ACOT12: variants seen among roughly 807,000 people sequenced by gnomAD.
ACOT12 encodes the protein acetyl-coenzyme A thioesterase.
A neutral mutation model predicts 67.7 loss-of-function variants in ACOT12; 51 were observed. The ratio of observed to expected loss-of-function variants is 0.75; its 90% CI spans 0.60 to 0.95. The LOEUF (loss-of-function observed/expected upper bound fraction) is 0.95. Ranked by LOEUF, ACOT12 falls within the 40% of genes least tolerant of loss-of-function variation. The pLI, the probability that ACOT12 is intolerant of heterozygous loss-of-function variation, is 0.00. For synonymous variants in ACOT12, 251 were observed against 244.6 expected (o/e 1.03, Z -0.24); for missense variants, 734 against 708.1 (o/e 1.04, Z -0.41).
intron 11 of ACOT12, among the ~76,000 whole-genome samples, chr5:81,338,413 G>A (rs1180665784): frequency 6.6e-6 from 1 of 152,090 alleles, no homozygotes; most frequent in African/African-American, 2.4e-5. Flanking sequence ...CTGGTTGTTT[G>A]AAAGTGTGTG....
At chr5:81,353,548 T>A (rs1759618470) in intron 5 of ACOT12, among the ~76,000 whole-genome samples, 1 of 152,210 alleles carries the variant, frequency 6.6e-6, no homozygotes, top group East Asian at 1.9e-4. Context: ...TCCAGAAAAT[T>A]AACCATGATA....
intron 2 of ACOT12, among the ~76,000 whole-genome samples, chr5:81,379,471 A>G (rs1760516199): frequency 6.6e-6 from 1 of 152,078 alleles, no homozygotes; most frequent in East Asian, 1.9e-4. Flanking sequence ...CCAGAACTTA[A>G]AGTACAATAA....
the ACOT12 span, among the ~76,000 whole-genome samples, chr5:81,313,642 G>C: frequency 6.6e-6 from 1 of 152,106 alleles, no homozygotes; most frequent in Non-Finnish European, 1.5e-5. Flanking sequence ...TGACTCTAGT[G>C]GTTTTGTGTT....
At chr5:81,362,220 C>T (rs1031758400) in intron 4 of ACOT12, among the ~76,000 whole-genome samples, 2 of 145,836 alleles carry the variant, frequency 1.4e-5, no homozygotes, top group Non-Finnish European at 3.0e-5. Context: ...GGCTGGAGTG[C>T]AATGGCACAA....
At chr5:81,327,036 A>G (rs974884447), downstream of ACOT12, among the ~76,000 whole-genome samples, 1 of 152,154 alleles carries the variant, frequency 6.6e-6, no homozygotes, top group East Asian at 1.9e-4. Context: ...TTAATCCCAA[A>G]TATGATAGTA....
At chr5:81,344,792 G>C in intron 8 of ACOT12, 99 bp downstream of exon 8, 5 of 1,450,844 alleles carry the variant, frequency 3.4e-6, no homozygotes, top group East Asian at 4.6e-5. Flanking sequence ...GAAAACCAAA[G>C]GGAAAGAGCC....
At chr5:81,346,519 T>C (rs1481556008) in intron 6 of ACOT12, among the ~76,000 whole-genome samples, 1 of 152,230 alleles carries the variant, frequency 6.6e-6, no homozygotes, top group Non-Finnish European at 1.5e-5. Context: ...AGATACACAT[T>C]TTATAATTTT....
chr5:81,367,689 C>T (rs1267338945), intron 3 of ACOT12, among the ~76,000 whole-genome samples: 3 of 152,062 alleles, frequency 2.0e-5, no homozygotes, highest in Admixed American at 1.3e-4. Flanking sequence ...AAATAGAAGA[C>T]AAACAGCCAG....
In ACOT12 at chr5:81,342,721, T is replaced by G. The variant is rs759543309; in HGVS notation, c.1079A>C (p.Lys360Thr). Reference protein sequence around the residue: ...SLSDSNVEALKKLAAKRGWEV... With the variant: ...SLSDSNVEALTKLAAKRGWEV... ...CCAACCCCTTTTGGCTGCCAGTTTT[T>G]TGAGGGCCTCCACATTGCTGTCACT... The change falls in exon 11 of 15, where the codon AAA becomes ACA. Residue 360 changes from lysine (K) to threonine (T), a missense_variant. Physicochemically the swap from Lys to Thr is moderately conservative, Grantham distance 78 (BLOSUM62 -1). Transcript: ENST00000307624. 2 of 1,614,208 alleles carry G rather than the reference T, an allele frequency of 1.2e-6. No homozygotes were observed. The highest frequency in any genetic ancestry group is 1.7e-6 in the Non-Finnish European group (2 of 1,180,024).
chr5:81,316,785 A>G, the ACOT12 span, among the ~76,000 whole-genome samples: 5 of 152,030 alleles, frequency 3.3e-5, no homozygotes, highest in Admixed American at 2.6e-4. Context: ...TGTGGTTTTG[A>G]TTTGCATCCC....
At chr5:81,311,975 G>A in the ACOT12 span, among the ~76,000 whole-genome samples, 1 of 152,100 alleles carries the variant, frequency 6.6e-6, no homozygotes, top group African/African-American at 2.4e-5. Context: ...ACAACACTAC[G>A]CAAATAAGTC....
At position 81,359,976 on chromosome 5, in the gene ACOT12, A is replaced by G. The variant is rs773094634; in HGVS notation, c.423T>C (p.Ala141=). Residue 141 remains alanine, a synonymous_variant, in exon 5 of 15, where the codon GCT becomes GCC. Coordinates refer to ENST00000307624, the MANE Select transcript of ACOT12 (RefSeq NM_130767.3). ...GTTGTAATCGAACTTTCCTTCTCTC[A>G]GCAGCCAGATTATGTTCCACATGAT... ...EQDHVEHNLA[A]ERRKVRLQHE... 6.2e-7 allele frequency: 1 copy of G among 1,612,926 alleles called. No individual in the cohort carries two copies. Among genetic ancestry groups the G allele is most frequent in the South Asian group, 1.1e-5 (1 of 90,734 alleles).
At chr5:81,368,018 A>T (rs1230042553) in intron 3 of ACOT12, among the ~76,000 whole-genome samples, 1 of 152,170 alleles carries the variant, frequency 6.6e-6, no homozygotes, top group African/African-American at 2.4e-5. Context: ...CTGGCAGGGC[A>T]CGGTGGCTCA....
the ACOT12 span, among the ~76,000 whole-genome samples, chr5:81,309,455 A>AT: frequency 6.6e-6 from 1 of 152,112 alleles, no homozygotes; most frequent in African/African-American, 2.4e-5. Context: ...TTGCTTCTGA[A>AT]TTTTTTTTCT....
intron 11 of ACOT12, among the ~76,000 whole-genome samples, chr5:81,342,027 A>G (rs771024971): frequency 2.0e-5 from 3 of 152,172 alleles, no homozygotes; most frequent in East Asian, 1.9e-4. Context: ...GTCTTGCTCT[A>G]TTGCCCAGAC....
intron 5 of ACOT12, among the ~76,000 whole-genome samples, chr5:81,358,606 T>C (rs957218023): frequency 3.3e-5 from 5 of 152,312 alleles, no homozygotes; most frequent in African/African-American, 9.6e-5. Flanking sequence ...TCCCAGCACT[T>C]TGGGAGGCCG....
chr5:81,324,185 C>T, the ACOT12 span, among the ~76,000 whole-genome samples: 1 of 152,106 alleles, frequency 6.6e-6, no homozygotes, highest in African/African-American at 2.4e-5. Flanking sequence ...AGTTAATCTG[C>T]CTGCCTTGGC....
chr5:81,345,153 G>T lies in ACOT12; in HGVS notation c.774-112C>A, dbSNP rs73134865. 1.7e-3 allele frequency: 2,272 copies of T among 1,339,394 alleles called. 24 individuals are homozygous for T. In the African/African-American group the frequency reaches 0.029, roughly 17 times the overall value. 83.0% of individuals were successfully genotyped at this position (1,339,394 alleles called of 1,614,324 possible). On this transcript the variant is annotated intron_variant, in intron 7 of 14. Transcript: ENST00000307624. ...CGCTGCCACCTCCTCTAAGCAACAGGAGGATAAGGGCCTGGGTTTTCTTGT... is the reference window on the plus strand; with the variant it reads ...CGCTGCCACCTCCTCTAAGCAACAGTAGGATAAGGGCCTGGGTTTTCTTGT...
intron 2 of ACOT12, among the ~76,000 whole-genome samples, chr5:81,377,650 T>A (rs1384472356): frequency 6.6e-6 from 1 of 152,220 alleles, no homozygotes; most frequent in Non-Finnish European, 1.5e-5. Context: ...AGTCTCAAGA[T>A]ACAAAATCAA....
Sources: allele counts gnomAD v4.1 joint callset (sites outside exome capture counted in the v4.1 genomes callset), GRCh38; gene constraint gnomAD v4.1.1; transcripts MANE v1.5; gene names NCBI Gene and HGNC (gene_info 2026-07-23, HGNC 2026-07-21).